NALF1: variants seen among roughly 807,000 people sequenced by gnomAD.
The protein encoded by NALF1 is family with sequence similarity 155 member A.
In NALF1, 3 loss-of-function variants were observed where a neutral mutation model predicts 48.4. That is an observed-to-expected ratio of 0.06 (90% confidence interval 0.03 to 0.16). NALF1 has a LOEUF of 0.16. Among genes scored for constraint, NALF1 ranks in the 10% least tolerant of loss-of-function variants. The pLI is 1.00. For synonymous variants in NALF1, 262 were observed against 245.7 expected, an observed-to-expected ratio of 1.07 and a Z score of -0.62; for missense variants, 526 against 571.5, an observed-to-expected ratio of 0.92 and a Z score of 0.81.
chr13:107,865,880 G>T lies in NALF1; in HGVS notation c.717C>A (p.Ser239=). Residue 239 remains serine (S), a synonymous_variant, in exon 1 of 3, where the codon TCC becomes TCA. Coordinates refer to ENST00000375915, the MANE Select transcript of NALF1 (RefSeq NM_001080396.3). ...GACTGCAGTTCAAAGTGTTGGGACT[G>T]GACAACCCCGAGAACAACTCCCAAA... ...YTLWELFSGL[S]SPNTLNCSLD... The T allele has an allele frequency of 6.2e-7, 1 of 1,614,050 alleles. No homozygotes were observed. The highest frequency in any genetic ancestry group is 8.5e-7 in the Non-Finnish European group (1 of 1,180,022).
At chr13:107,179,798 A>G (rs1161439511) in intron 2 of NALF1, among the ~76,000 whole-genome samples, 1 of 150,546 alleles carries the variant, frequency 6.6e-6, no homozygotes, top group African/African-American at 2.5e-5. Context: ...GGCCCTTCCC[A>G]GTCACTGGTG....
At chr13:107,732,389 A>G (rs1234340196) in intron 1 of NALF1, among the ~76,000 whole-genome samples, 1 of 152,142 alleles carries the variant, frequency 6.6e-6, no homozygotes, top group East Asian at 1.9e-4. Context: ...AAGTGTACAC[A>G]GTGGGTTTTC....
At chr13:107,338,473 T>C (rs76319724) in intron 1 of NALF1, among the ~76,000 whole-genome samples, 3,673 of 152,330 alleles carry the variant, frequency 0.024, 81 homozygotes, top group Middle Eastern at 0.058. Flanking sequence ...GACTTAGTGA[T>C]TAAAACATGT....
chr13:107,716,429 C>A (rs142870745), intron 1 of NALF1, among the ~76,000 whole-genome samples: 1 of 152,144 alleles, frequency 6.6e-6, no homozygotes, highest in Non-Finnish European at 1.5e-5. Context: ...GAGAGAGGAC[C>A]GCCTGATTAG....
intron 1 of NALF1, among the ~76,000 whole-genome samples, chr13:107,673,025 C>T (rs1044119529): frequency 2.6e-5 from 4 of 152,182 alleles, no homozygotes; most frequent in Non-Finnish European, 5.9e-5. Flanking sequence ...AGAGTGTCAA[C>T]AGCAAATGCA....
At chr13:107,194,303 T>C (rs1273319171) in intron 2 of NALF1, among the ~76,000 whole-genome samples, 2 of 152,126 alleles carry the variant, frequency 1.3e-5, no homozygotes, top group African/African-American at 4.8e-5. Flanking sequence ...ATTGGAGACA[T>C]CATATTACCC....
chr13:107,439,580 A>C (rs1594063854), intron 1 of NALF1, among the ~76,000 whole-genome samples: 1 of 152,178 alleles, frequency 6.6e-6, no homozygotes, highest in East Asian at 1.9e-4. Flanking sequence ...TCCTCTCCAA[A>C]TGCAATATTG....
At chr13:107,823,104 AT>A (rs938735858) in intron 1 of NALF1, among the ~76,000 whole-genome samples, 12 of 152,166 alleles carry the variant, frequency 7.9e-5, no homozygotes, top group Non-Finnish European at 1.3e-4. Context: ...TAACAGTTCA[AT>A]TTACCCTAAT....
At chr13:107,279,603 C>T (rs1170855997) in intron 1 of NALF1, among the ~76,000 whole-genome samples, 1 of 152,098 alleles carries the variant, frequency 6.6e-6, no homozygotes, top group African/African-American at 2.4e-5. Context: ...TATTCTTGAT[C>T]CTTCCTCTCT....
At chr13:107,788,827 A>G (rs1878149690) in intron 1 of NALF1, 1 of 152,266 alleles carries the variant, frequency 6.6e-6, no homozygotes, top group Non-Finnish European at 1.5e-5. Flanking sequence ...GGCTTGCCCA[A>G]TTGCTGAAGG....
chr13:107,264,292 T>A (rs555221772), intron 1 of NALF1, among the ~76,000 whole-genome samples: 1 of 152,354 alleles, frequency 6.6e-6, no homozygotes, highest in East Asian at 1.9e-4. Flanking sequence ...CATTGGTTTA[T>A]ATACAGAAAT....
intron 1 of NALF1, among the ~76,000 whole-genome samples, chr13:107,416,838 T>C (rs1426388511): frequency 6.6e-6 from 1 of 152,204 alleles, no homozygotes; most frequent in Non-Finnish European, 1.5e-5. Flanking sequence ...TATCAACTCA[T>C]AGACTGCTTT....
chr13:107,316,369 T>C (rs1201430267), intron 1 of NALF1, among the ~76,000 whole-genome samples: 1 of 145,798 alleles, frequency 6.9e-6, no homozygotes, highest in Non-Finnish European at 1.5e-5. Flanking sequence ...AGTGTGCATG[T>C]GTCTTTATAG....
intron 2 of NALF1, among the ~76,000 whole-genome samples, chr13:107,182,980 T>C (rs1339112842): frequency 1.3e-5 from 2 of 152,140 alleles, no homozygotes; most frequent in South Asian, 2.1e-4. Context: ...CAGAGTTATT[T>C]TTGCTCCAAC....
chr13:107,730,713 T>C (rs1876286975), intron 1 of NALF1, among the ~76,000 whole-genome samples: 2 of 152,210 alleles, frequency 1.3e-5, no homozygotes, highest in African/African-American at 4.8e-5. Flanking sequence ...GGGGAACCTG[T>C]TATGACTGCA....
intron 1 of NALF1, among the ~76,000 whole-genome samples, chr13:107,561,177 T>C (rs1877633906): frequency 6.6e-6 from 1 of 152,170 alleles, no homozygotes; most frequent in African/African-American, 2.4e-5. Flanking sequence ...CACATGATAT[T>C]TTCATCTAAG....
chr13:107,330,249 G>A (rs1473154356), intron 1 of NALF1, among the ~76,000 whole-genome samples: 1 of 152,124 alleles, frequency 6.6e-6, no homozygotes, highest in Non-Finnish European at 1.5e-5. Context: ...TGTTTATTTT[G>A]GCTCTAATGA....
chr13:107,369,070 T>C (rs1180037320), intron 1 of NALF1, among the ~76,000 whole-genome samples: 1 of 152,234 alleles, frequency 6.6e-6, no homozygotes, highest in Non-Finnish European at 1.5e-5. Flanking sequence ...TTCCCAATTA[T>C]TGCCTCCATG....
chr13:107,286,900 G>C (rs76338592), intron 1 of NALF1, among the ~76,000 whole-genome samples: 7,641 of 152,262 alleles, frequency 0.05, 266 homozygotes, highest in Admixed American at 0.1. Flanking sequence ...GTTAGGAGGA[G>C]AGTGAATAGG....
Sources: allele counts gnomAD v4.1 joint callset (sites outside exome capture counted in the v4.1 genomes callset), GRCh38; gene constraint gnomAD v4.1.1; transcripts MANE v1.5; gene names NCBI Gene and HGNC (gene_info 2026-07-23, HGNC 2026-07-21).